NBEAL1: variants seen among roughly 807,000 people sequenced by gnomAD.
The protein encoded by NBEAL1 is neurobeachin-like protein 1.
A neutral mutation model predicts 351.3 loss-of-function variants in NBEAL1; 273 were observed. The ratio of observed to expected loss-of-function variants is 0.78; its 90% CI spans 0.70 to 0.86. NBEAL1 has a LOEUF of 0.86. NBEAL1 is among the 40% of genes least tolerant of loss of function. The probability of loss-of-function intolerance (pLI) is 0.00; values close to 1 mark genes in which losing one functional copy is unlikely to be tolerated. For missense variants in NBEAL1, 2,961 were observed against 3,201.3 expected, an observed-to-expected ratio of 0.92 and a Z score of 1.81; for synonymous variants, 1,050 against 1,086.4, an observed-to-expected ratio of 0.97 and a Z score of 0.66.
chr2:203,087,554 T>C (rs913614223), intron 10 of NBEAL1, among the ~76,000 whole-genome samples: 1 of 152,220 alleles, frequency 6.6e-6, no homozygotes, highest in Non-Finnish European at 1.5e-5. Flanking sequence ...CTAAGACATC[T>C]GACTCAAGGC....
At chr2:203,181,255 G>A (rs1313841563) in intron 43 of NBEAL1, 1 of 151,844 alleles carries the variant, frequency 6.6e-6, no homozygotes, top group Non-Finnish European at 1.5e-5. Context: ...TGTCATAGAA[G>A]GTTTCTTTCA....
chr2:203,130,853 T>A (rs533660187), intron 25 of NBEAL1, among the ~76,000 whole-genome samples: 1 of 152,312 alleles, frequency 6.6e-6, no homozygotes, highest in Non-Finnish European at 1.5e-5. Context: ...TTACTTAGTC[T>A]TGCAATAACT....
intron 12 of NBEAL1, among the ~76,000 whole-genome samples, chr2:203,107,080 C>G (rs576705213): frequency 6.6e-4 from 101 of 152,162 alleles, no homozygotes; most frequent in Non-Finnish European, 1.3e-3. Flanking sequence ...TTTGTTTTGA[C>G]TTAACTACTA....
chr2:203,124,306 T>A (rs1174492833), intron 19 of NBEAL1, among the ~76,000 whole-genome samples: 1 of 152,152 alleles, frequency 6.6e-6, no homozygotes, highest in Admixed American at 6.6e-5. Context: ...GCACTCCAGC[T>A]GAGTGACAGA....
chr2:203,131,893 A>T, intron 25 of NBEAL1, 80 bp from the exon 26 acceptor site: 1 of 1,010,444 alleles, frequency 9.9e-7, no homozygotes, highest in Non-Finnish European at 1.4e-6. Flanking sequence ...ATTTAATGTT[A>T]ATAAGTTAAC....
chr2:203,117,292 G>A lies in NBEAL1; in HGVS notation c.2592+1222G>A, dbSNP rs138435551. Among the ~76,000 whole-genome samples the A allele has an allele frequency of 3.0e-3, 452 of 151,948 alleles. 4 individuals are homozygous for A. The highest frequency in any genetic ancestry group is 0.01 in the African/African-American group (432 of 41,446). Reference sequence around the variant, plus strand: ...ATCCTGGCTAACACGGTGAAACCCCGTCTCTATAAAAATACAAAAAATTAG... The same window carrying A: ...ATCCTGGCTAACACGGTGAAACCCCATCTCTATAAAAATACAAAAAATTAG... On this transcript the variant is annotated intron_variant, in intron 18 of 55. Transcript: ENST00000683969.
Position 203,030,026 on chromosome 2 carries a change from G to A in NBEAL1, c.52-11739G>A, listed in dbSNP as rs759891015. Among the ~76,000 whole-genome samples the A allele has an allele frequency of 3.9e-5, 6 of 152,300 alleles. No individual in the cohort carries two copies. The South Asian group carries it at 1.0e-3, about 26-fold the overall frequency. On this transcript the variant is annotated intron_variant, in intron 2 of 55. Coordinates refer to ENST00000683969, the MANE Select transcript of NBEAL1 (RefSeq NM_001378026.1). ...TGAAGTCATCAGGTATAGCTTAGTG[G>A]AAAAGGTAGCATCGATCAAGGTTTT...
At chr2:203,108,985 T>TG (rs2062502370) in intron 14 of NBEAL1, among the ~76,000 whole-genome samples, 1 of 151,668 alleles carries the variant, frequency 6.6e-6, no homozygotes, top group Admixed American at 6.6e-5. Flanking sequence ...GAAGCTACAG[T>TG]GAGCTGTGAT....
chr2:203,041,711 A>ATTTTTTTTTT, intron 2 of NBEAL1, 54 bp from the exon 3 acceptor site: 1 of 1,091,038 alleles, frequency 9.2e-7, no homozygotes. Context: ...GTGTAGAAGC[A>ATTTTTTTTTT]TTTTTTTTTT....
chr2:203,199,322 A>G lies in NBEAL1; in HGVS notation c.7129-16A>G. 2 of 1,409,098 alleles carry G rather than the reference A, an allele frequency of 1.4e-6. No individual in the cohort carries two copies. Among genetic ancestry groups the G allele is most frequent in the Non-Finnish European group, 2.0e-6 (2 of 999,928 alleles). The allele number at this position is 1,409,098 out of a possible 1,614,324, so 87.3% of individuals were successfully genotyped here. ...AATATTTCATTTAATTTGAGTCTTC[A>G]TATGTTCTTTTCCAGATAACAATAA... On this transcript the variant is annotated splice_polypyrimidine_tract_variant and intron_variant, in intron 48 of 55. Coordinates refer to ENST00000683969, the MANE Select transcript of NBEAL1 (RefSeq NM_001378026.1).
intron 54 of NBEAL1, among the ~76,000 whole-genome samples, chr2:203,212,606 CAA>C (rs367786013): frequency 5.9e-4 from 48 of 81,206 alleles, no homozygotes; most frequent in Middle Eastern, 7.6e-3. Flanking sequence ...GACTCCATCT[CAA>C]AAAAAAAAAA....
intron 2 of NBEAL1, among the ~76,000 whole-genome samples, chr2:203,035,945 T>A (rs557181066): frequency 6.7e-6 from 1 of 149,468 alleles, no homozygotes; most frequent in South Asian, 2.1e-4. Context: ...GTTAAATTAT[T>A]TAATTTTCAC....
chr2:203,083,134 T>G (rs979128677), intron 8 of NBEAL1, 85 bp from the exon 9 acceptor site: 1 of 1,193,094 alleles, frequency 8.4e-7, no homozygotes, highest in African/African-American at 1.5e-5. Context: ...AAAGGTTGCC[T>G]GCAGATGTAT....
Position 203,217,885 on chromosome 2 carries a change from G to T in NBEAL1, c.*531G>T. The T allele has an allele frequency of 2.0e-6, 2 of 983,994 alleles. No homozygotes were observed. The highest frequency in any genetic ancestry group is 2.4e-6 in the Non-Finnish European group (2 of 828,650). 61.0% of individuals were successfully genotyped at this position (983,994 alleles called of 1,614,324 possible). ...ATGGTAAGAATAAAATAAGAATATT[G>T]AAACTGGTACATTAGCTAATTCTAT... On this transcript the variant is annotated 3_prime_UTR_variant, in exon 56 of 56. Coordinates refer to ENST00000683969, the MANE Select transcript of NBEAL1 (RefSeq NM_001378026.1).
intron 38 of NBEAL1, among the ~76,000 whole-genome samples, chr2:203,169,411 AC>A (rs1440916681): frequency 1.9e-4 from 29 of 150,248 alleles, no homozygotes; most frequent in African/African-American, 6.8e-4. Flanking sequence ...AAAAAAAAAA[AC>A]CACTGAAGCC....
intron 2 of NBEAL1, among the ~76,000 whole-genome samples, chr2:203,031,506 G>A (rs1178168179): frequency 1.3e-5 from 2 of 152,280 alleles, no homozygotes; most frequent in African/African-American, 4.8e-5. Context: ...TCTAGTGAAG[G>A]AATGTCAATA....
At chr2:203,076,749 A>G (rs1481264905) in intron 7 of NBEAL1, among the ~76,000 whole-genome samples, 1 of 151,548 alleles carries the variant, frequency 6.6e-6, no homozygotes, top group African/African-American at 2.4e-5. Flanking sequence ...CCGCCACCAC[A>G]CCTGGCTAAT....
chr2:203,130,547 C>G (rs2063050284), intron 25 of NBEAL1, 71 bp downstream of exon 25: 1 of 1,002,098 alleles, frequency 1.0e-6, no homozygotes, highest in African/African-American at 1.7e-5. Context: ...TGCAATATAT[C>G]CATTCTGTGA....
Position 203,132,025 on chromosome 2 carries a change from A to ATAT in NBEAL1, c.3619_3621dup (p.Ile1207dup). 1 of 1,554,746 alleles carries ATAT rather than the reference A, an allele frequency of 6.4e-7. No homozygotes were observed. The highest frequency in any genetic ancestry group is 8.7e-7 in the Non-Finnish European group (1 of 1,147,784). On this transcript the variant is annotated inframe_insertion, in exon 26 of 56. Transcript: ENST00000683969. ...AACGTTTATGAGCGTAGTAAACAAC[A>ATAT]TATTCGACTCAGAGAAGTTGGCTAC...
Sources: allele counts gnomAD v4.1 joint callset (sites outside exome capture counted in the v4.1 genomes callset), GRCh38; gene constraint gnomAD v4.1.1; transcripts MANE v1.5; gene names NCBI Gene and HGNC (gene_info 2026-07-23, HGNC 2026-07-21).